Variants in IQSEC1 observed in about 807,000 individuals in gnomAD.
IQSEC1 encodes IQ motif and SEC7 domain-containing protein 1.
Under a neutral mutation model 91.0 loss-of-function variants are expected in IQSEC1, and 31 were observed. The observed-to-expected ratio is 0.34, with a 90% CI of 0.26 to 0.46. The LOEUF is 0.46. Ranked by LOEUF, IQSEC1 falls within the 20% of genes least tolerant of loss-of-function variation. IQSEC1 has a pLI of 1.00. For synonymous variants in IQSEC1, 699 were observed against 662.6 expected, an observed-to-expected ratio of 1.05 and a Z score of -0.84; for missense variants, 1,388 against 1,575.6, an observed-to-expected ratio of 0.88 and a Z score of 2.02.
At chr3:12,934,829 G>A (rs930051943) in intron 3 of IQSEC1, among the ~76,000 whole-genome samples, 1 of 152,048 alleles carries the variant, frequency 6.6e-6, no homozygotes, top group Non-Finnish European at 1.5e-5. Context: ...GCTACTCCAT[G>A]AACCCAACTC....
At chr3:13,275,112 G>A (rs1024700893) in intron 1 of IQSEC1, among the ~76,000 whole-genome samples, 6 of 152,202 alleles carry the variant, frequency 3.9e-5, no homozygotes, top group African/African-American at 1.2e-4. Flanking sequence ...TCATATATGC[G>A]AAATGGGATG....
In IQSEC1 at chr3:13,032,420, G is replaced by A. The variant is rs188125265; in HGVS notation, c.23+40572C>T. On this transcript the variant is annotated intron_variant, in intron 1 of 13. Transcript: ENST00000613206. ...GGAAGGCTGTGCTGCCGTGACTTCC[G>A]CAGGCCGAACCTGCAGGATGCGGAT... 3.2e-4 allele frequency among the ~76,000 whole-genome samples: 49 copies of A among 152,310 alleles called. No individual in the cohort carries two copies. The South Asian group carries it at 7.5e-3, about 23-fold the overall frequency.
intron 1 of IQSEC1, among the ~76,000 whole-genome samples, chr3:13,024,350 C>A (rs962518057): frequency 6.7e-6 from 1 of 149,756 alleles, no homozygotes; most frequent in Non-Finnish European, 1.5e-5. Flanking sequence ...TTCCCTCACC[C>A]GCACATACAC....
intron 2 of IQSEC1, among the ~76,000 whole-genome samples, chr3:13,124,524 C>T (rs190165327): frequency 8.5e-5 from 13 of 152,130 alleles, no homozygotes; most frequent in African/African-American, 2.9e-4. Flanking sequence ...AAACAGAGAC[C>T]GAGAGTAGCT....
At chr3:13,127,572 A>T (rs35914729) in intron 2 of IQSEC1, among the ~76,000 whole-genome samples, 1 of 151,380 alleles carries the variant, frequency 6.6e-6, no homozygotes, top group African/African-American at 2.4e-5. Context: ...CCTCCTATTT[A>T]TTTTTCTTTT....
chr3:12,911,699 G>C lies in IQSEC1; in HGVS notation c.2346C>G (p.Asn782Lys), dbSNP rs745809088. Residue 782 changes from asparagine to lysine, a missense_variant, in exon 10 of 14, where the codon AAC becomes AAG. Asn to Lys is a moderately conservative substitution (Grantham distance 94, BLOSUM62 0). Transcript: ENST00000613206. ...ACTGTCGGAAGCTGTACGTCACCGAGTTCTTCTTCTTCTGGAAGATCTTGG... is the reference window on the plus strand; with the variant it reads ...ACTGTCGGAAGCTGTACGTCACCGACTTCTTCTTCTTCTGGAAGATCTTGG... ...VVTKIFQKKK[N>K]SVTYSFRQSF... The C allele has an allele frequency of 1.2e-6, 2 of 1,613,444 alleles. No homozygotes were observed. The highest frequency in any genetic ancestry group is 1.3e-5 in the African/African-American group (1 of 74,922).
intron 1 of IQSEC1, among the ~76,000 whole-genome samples, chr3:12,944,558 G>A (rs892959174): frequency 3.9e-5 from 6 of 152,136 alleles, no homozygotes; most frequent in East Asian, 1.9e-4. Context: ...ACCTCCCTCC[G>A]GCTCGCCTCG....
chr3:12,962,012 A>G (rs1044797401), intron 1 of IQSEC1, among the ~76,000 whole-genome samples: 2 of 152,232 alleles, frequency 1.3e-5, no homozygotes, highest in Admixed American at 6.5e-5. Flanking sequence ...GCAAATGACT[A>G]CAAGGATCAA....
Position 12,917,879 on chromosome 3 carries a change from G to T in IQSEC1, c.2021-2146C>A, listed in dbSNP as rs567630165. 2.6e-5 allele frequency among the ~76,000 whole-genome samples: 4 copies of T among 152,362 alleles called. No homozygotes were observed. In the South Asian group the frequency reaches 8.3e-4, roughly 32 times the overall value. The stretch of plus-strand genomic sequence containing the variant: ...ATAACAAGGAAAGACTCCTGGACTG[G>T]CTTCCGTGGTGAGCTACTCCGCCTT... On this transcript the variant is annotated intron_variant, in intron 6 of 13. Transcript: ENST00000613206.
chr3:13,018,314 C>T (rs1360586829), intron 1 of IQSEC1, among the ~76,000 whole-genome samples: 4 of 152,154 alleles, frequency 2.6e-5, no homozygotes, highest in Non-Finnish European at 5.9e-5. Context: ...TGTTCACGGC[C>T]CTCCTGCCCA....
chr3:12,991,054 G>A (rs905811592), intron 1 of IQSEC1, among the ~76,000 whole-genome samples: 3 of 152,194 alleles, frequency 2.0e-5, no homozygotes, highest in African/African-American at 7.2e-5. Flanking sequence ...TTGCTATGAT[G>A]GCCCCACTGA....
intron 1 of IQSEC1, among the ~76,000 whole-genome samples, chr3:13,281,048 C>G (rs1455976769): frequency 6.6e-6 from 1 of 152,238 alleles, no homozygotes; most frequent in Non-Finnish European, 1.5e-5. Flanking sequence ...CCAGGGGTGA[C>G]GCTGAAGGGA....
rs531529703 is a variant in IQSEC1 at position 12,962,124 on chromosome 3, C to T, written c.24-20259G>A. Among the ~76,000 whole-genome samples the T allele has an allele frequency of 3.9e-5, 6 of 152,320 alleles. No homozygotes were observed. The East Asian group carries it at 9.6e-4, about 24-fold the overall frequency. On this transcript the variant is annotated intron_variant, in intron 1 of 13. Coordinates refer to ENST00000613206, the MANE Select transcript of IQSEC1 (RefSeq NM_001134382.3). ...GGGCTCTAGGGAGGCAGACGACCAA[C>T]GGTCAATCAGGGCCAGTTCTGGACA... is the stretch of plus-strand genomic sequence containing the variant.
intron 2 of IQSEC1, among the ~76,000 whole-genome samples, chr3:13,085,980 C>A (rs1705728837): frequency 6.6e-6 from 1 of 152,252 alleles, no homozygotes; most frequent in Non-Finnish European, 1.5e-5. Context: ...TGCTTGCACA[C>A]TTCTCCTCTA....
intron 1 of IQSEC1, among the ~76,000 whole-genome samples, chr3:12,951,398 G>A (rs1699533976): frequency 6.6e-6 from 1 of 151,058 alleles, no homozygotes; most frequent in South Asian, 2.1e-4. Flanking sequence ...GCAACAGAGT[G>A]AAACTCGGAG....
chr3:12,951,194 G>A (rs1699520176), intron 1 of IQSEC1, among the ~76,000 whole-genome samples: 1 of 152,220 alleles, frequency 6.6e-6, no homozygotes, highest in African/African-American at 2.4e-5. Context: ...AGGCCAAGGA[G>A]GATGGATCAC....
At chr3:13,007,944 G>A (rs1321546899) in intron 1 of IQSEC1, among the ~76,000 whole-genome samples, 3 of 152,052 alleles carry the variant, frequency 2.0e-5, no homozygotes, top group Admixed American at 6.6e-5. Context: ...CCCCTGTCCT[G>A]TGGGAGGAGA....
In IQSEC1 at chr3:12,921,984, C is replaced by T. The variant is rs79540952; in HGVS notation, c.1853+136G>A. The T allele has an allele frequency of 2.1e-4, 233 of 1,125,024 alleles. No homozygotes were observed. In the East Asian group the frequency reaches 6.6e-3, roughly 32 times the overall value. 69.7% of individuals were successfully genotyped at this position (1,125,024 alleles called of 1,614,324 possible). A position where few individuals can be genotyped will look rare whatever the true frequency, so the allele number is the denominator to read the frequency against. On this transcript the variant is annotated intron_variant, in intron 5 of 13. Coordinates refer to ENST00000613206, the MANE Select transcript of IQSEC1 (RefSeq NM_001134382.3). ...ACGTAGGAGGAGCCAGTACGATCAC[C>T]CCCAAAGCAACATTCAGGGACACCT...
intron 1 of IQSEC1, among the ~76,000 whole-genome samples, chr3:13,007,492 T>C (rs1200938031): frequency 6.6e-6 from 1 of 152,228 alleles, no homozygotes; most frequent in Non-Finnish European, 1.5e-5. Flanking sequence ...TAGGTCTCAA[T>C]TCTGATGCTG....
Sources: allele counts gnomAD v4.1 joint callset (sites outside exome capture counted in the v4.1 genomes callset), GRCh38; gene constraint gnomAD v4.1.1; transcripts MANE v1.5; gene names NCBI Gene and HGNC (gene_info 2026-07-23, HGNC 2026-07-21).